The following UNC13C variants were observed in gnomAD, a reference collection of about 807,000 sequenced individuals.
UNC13C encodes the protein protein unc-13 homolog C.
A neutral mutation model predicts 245.4 loss-of-function variants in UNC13C; 174 were observed. The ratio of observed to expected loss-of-function variants is 0.71; its 90% CI spans 0.63 to 0.80. UNC13C has a LOEUF of 0.80. Among genes scored for constraint, UNC13C ranks in the 30% least tolerant of loss-of-function variants. UNC13C has a pLI of 0.00. For missense variants in UNC13C, 2,829 were observed against 2,602.9 expected (o/e 1.09, Z -1.89); for synonymous variants, 992 against 895.1 (o/e 1.11, Z -1.93).
the UNC13C span, among the ~76,000 whole-genome samples, chr15:53,859,718 C>T: frequency 6.6e-6 from 1 of 152,106 alleles, no homozygotes; most frequent in Non-Finnish European, 1.5e-5. Flanking sequence ...TAAATGGATA[C>T]CCAGGGAAGA....
At chr15:54,220,816 G>A (rs1264464732) in intron 4 of UNC13C, among the ~76,000 whole-genome samples, 1 of 151,844 alleles carries the variant, frequency 6.6e-6, no homozygotes, top group East Asian at 1.9e-4. Flanking sequence ...AGGATAATTA[G>A]GGGAAGGGTA....
intron 2 of UNC13C, among the ~76,000 whole-genome samples, chr15:54,046,594 A>G (rs1171409262): frequency 6.6e-6 from 1 of 152,020 alleles, no homozygotes. Flanking sequence ...AACTTTAAAA[A>G]TATTTTTATA....
In UNC13C at chr15:54,038,230, C is replaced by G. The variant is rs980759869; in HGVS notation, c.2983+22344C>G. 3.8e-4 allele frequency among the ~76,000 whole-genome samples: 57 copies of G among 148,858 alleles called. 1 individual carries two copies. The highest frequency in any genetic ancestry group is 2.8e-3 in the Admixed American group (42 of 14,830). ...TCCTGCTTCCCTGGTTCAAGCAATTCTCATACCTTAGCCTCCTGAGTAGCT... is the reference window on the plus strand; with the variant it reads ...TCCTGCTTCCCTGGTTCAAGCAATTGTCATACCTTAGCCTCCTGAGTAGCT... On this transcript the variant is annotated intron_variant, in intron 2 of 32. Transcript: ENST00000260323.
intron 4 of UNC13C, among the ~76,000 whole-genome samples, chr15:54,229,172 T>C (rs566956577): frequency 6.6e-6 from 1 of 152,282 alleles, no homozygotes; most frequent in Middle Eastern, 3.4e-3. Flanking sequence ...ATTACTGCAT[T>C]CTCTCTCCCT....
chr15:53,983,316 C>A (rs1566930534), intron 1 of UNC13C, among the ~76,000 whole-genome samples: 1 of 152,074 alleles, frequency 6.6e-6, no homozygotes, highest in Non-Finnish European at 1.5e-5. Context: ...GATTGGCACA[C>A]TCAATGAGAA....
intron 4 of UNC13C, among the ~76,000 whole-genome samples, chr15:54,157,224 T>C (rs936843098): frequency 6.6e-6 from 1 of 152,176 alleles, no homozygotes. Flanking sequence ...AAAAGACACA[T>C]GATAATGTGA....
chr15:54,422,338 A>C (rs1389705945), intron 19 of UNC13C, among the ~76,000 whole-genome samples: 1 of 152,008 alleles, frequency 6.6e-6, no homozygotes, highest in Non-Finnish European at 1.5e-5. Flanking sequence ...CCCTCTAAGT[A>C]GTTTGCACAT....
At chr15:53,977,535 C>A (rs1258508161), upstream of UNC13C, among the ~76,000 whole-genome samples, 2 of 152,144 alleles carry the variant, frequency 1.3e-5, no homozygotes, top group African/African-American at 2.4e-5. Flanking sequence ...CTGGAAATAT[C>A]CTTCCATTTT....
the UNC13C span, among the ~76,000 whole-genome samples, chr15:53,856,374 T>A: frequency 2.3e-5 from 3 of 133,214 alleles, no homozygotes; most frequent in Non-Finnish European, 5.2e-5. Context: ...GTTCTCTAGT[T>A]TTTTTTTGTT....
chr15:54,376,022 A>G (rs2039599597), intron 17 of UNC13C, among the ~76,000 whole-genome samples: 2 of 152,206 alleles, frequency 1.3e-5, no homozygotes, highest in South Asian at 4.1e-4. Flanking sequence ...CCTTTTCTTG[A>G]GTATTTTTTA....
intron 10 of UNC13C, among the ~76,000 whole-genome samples, chr15:54,289,319 T>G (rs961886819): frequency 1.3e-5 from 2 of 152,096 alleles, no homozygotes; most frequent in Non-Finnish European, 2.9e-5. Context: ...CTGAATTTTA[T>G]TTCCCACCAT....
At chr15:54,105,145 T>A (rs1900372569) in intron 2 of UNC13C, among the ~76,000 whole-genome samples, 1 of 152,216 alleles carries the variant, frequency 6.6e-6, no homozygotes, top group South Asian at 2.1e-4. Flanking sequence ...TTTAACTTTT[T>A]AATTTTTATC....
intron 2 of UNC13C, among the ~76,000 whole-genome samples, chr15:54,112,254 C>G (rs1434077391): frequency 6.6e-6 from 1 of 152,028 alleles, no homozygotes; most frequent in Non-Finnish European, 1.5e-5. Context: ...AGGTTAAGAG[C>G]CGAGGTTTAA....
At chr15:54,190,673 T>C (rs2034152919) in intron 4 of UNC13C, among the ~76,000 whole-genome samples, 1 of 152,116 alleles carries the variant, frequency 6.6e-6, no homozygotes, top group Non-Finnish European at 1.5e-5. Context: ...CCATCATATT[T>C]TATTACTAAA....
At chr15:54,102,889 C>G (rs1306935385) in intron 2 of UNC13C, among the ~76,000 whole-genome samples, 1 of 152,190 alleles carries the variant, frequency 6.6e-6, no homozygotes, top group Non-Finnish European at 1.5e-5. Flanking sequence ...ATGCTGTTGC[C>G]ATAGTTCTGG....
chr15:54,622,502 AT>A, intron 31 of UNC13C, 83 bp downstream of exon 31: 1 of 1,112,410 alleles, frequency 9.0e-7, no homozygotes, highest in Non-Finnish European at 1.3e-6. Flanking sequence ...CTTTTCTTGC[AT>A]TTAAAAAAAC....
intron 19 of UNC13C, among the ~76,000 whole-genome samples, chr15:54,476,041 C>T (rs1157467740): frequency 8.7e-6 from 1 of 114,696 alleles, no homozygotes. Context: ...TTTTGATTTG[C>T]ATTTCTCTGA....
chr15:53,898,266 T>C, the UNC13C span, among the ~76,000 whole-genome samples: 5 of 152,166 alleles, frequency 3.3e-5, no homozygotes, highest in African/African-American at 1.2e-4. Context: ...TATTCAATTA[T>C]TTTTAAACCA....
intron 19 of UNC13C, among the ~76,000 whole-genome samples, chr15:54,430,239 C>T (rs956981057): frequency 3.3e-5 from 5 of 151,690 alleles, no homozygotes; most frequent in East Asian, 2.0e-4. Flanking sequence ...GTACCACTTA[C>T]GGTGATAAAG....
Sources: gnomAD v4.1 joint callset for allele counts (sites outside exome capture counted in the v4.1 genomes callset) on GRCh38, gnomAD v4.1.1 for gene constraint, MANE v1.5 for transcripts, NCBI Gene and HGNC (gene_info 2026-07-23, HGNC 2026-07-21) for gene names.